TNFRSF14: variants seen among roughly 807,000 people sequenced by gnomAD.
TNFRSF14 encodes the protein TNF receptor superfamily member 14, also known as tumor necrosis factor receptor superfamily member 14.
Under a neutral mutation model 34.1 loss-of-function variants are expected in TNFRSF14, and 18 were observed. That is an observed-to-expected ratio of 0.53 (90% confidence interval 0.36 to 0.78). TNFRSF14 has a LOEUF of 0.78. TNFRSF14 is among the 30% of genes least tolerant of loss of function. The pLI is 0.00. For synonymous variants in TNFRSF14, 157 were observed against 153.2 expected (o/e 1.02, Z -0.18); for missense variants, 352 against 379.5 (o/e 0.93, Z 0.60).
chr1:2,563,409 A>T lies in TNFRSF14; in HGVS notation c.*136A>T. 1 of 1,449,896 alleles carries T rather than the reference A, an allele frequency of 6.9e-7. No individual in the cohort carries two copies. The highest frequency in any genetic ancestry group is 9.2e-7 in the Non-Finnish European group (1 of 1,084,542). The allele number at this position is 1,449,896 out of a possible 1,614,324, so 89.8% of individuals were successfully genotyped here. ...GGCTGGCTTCCGTCTCCTCCAGTGG[A>T]GGGAGAGGTGGGGCCCCTGCTGGGG... On this transcript the variant is annotated 3_prime_UTR_variant, in exon 8 of 8. Transcript: ENST00000355716.
chr1:2,562,909 C>G lies in TNFRSF14; in HGVS notation c.726+13C>G, dbSNP rs761310764. The G allele has an allele frequency of 7.4e-6, 12 of 1,611,558 alleles. 1 individual carries two copies. The Admixed American group carries it at 2.0e-4, about 27-fold the overall frequency. ...CGTCTCCGTCCAGGTATTGATCCTC[C>G]TCCCCCTCTCCCTCCCCCCTCCACC... On this transcript the variant is annotated intron_variant, in intron 7 of 7. Transcript: ENST00000355716.
rs918040018 is a variant in TNFRSF14 at position 2,561,821 on chromosome 1, C to T, written c.694+6C>T. 3.7e-6 allele frequency: 6 copies of T among 1,612,334 alleles called. No homozygotes were observed. Among genetic ancestry groups the T allele is most frequent in the African/African-American group, 2.7e-5 (2 of 74,898 alleles). Reference sequence around the variant, plus strand: ...GAAAAGAAGAAAGCCAAGGGGTGAGCACACGGCGGCCCCATCAGGGCTCAT... The same window carrying T: ...GAAAAGAAGAAAGCCAAGGGGTGAGTACACGGCGGCCCCATCAGGGCTCAT... On this transcript the variant is annotated splice_donor_region_variant and intron_variant, in intron 6 of 7. Coordinates refer to ENST00000355716, the MANE Select transcript of TNFRSF14 (RefSeq NM_003820.4). This position sits in a 1 kb window ranked among gnomAD's most constrained non-coding sequence, Gnocchi z 6.0.
rs765582531 is a variant in TNFRSF14, at chr1:2,563,296, G to T, written c.*23G>T. 22 of 1,610,358 alleles carry T rather than the reference G, an allele frequency of 1.4e-5. No individual in the cohort carries two copies. The highest frequency in any genetic ancestry group is 1.6e-5 in the Non-Finnish European group (19 of 1,177,762). ...TGACCCACAGACTCTGCACCCCGACGCCAGAGATACCTGGAGCGACGGCTG... is the reference window on the plus strand; with the variant it reads ...TGACCCACAGACTCTGCACCCCGACTCCAGAGATACCTGGAGCGACGGCTG... On this transcript the variant is annotated 3_prime_UTR_variant, in exon 8 of 8. Transcript: ENST00000355716.
chr1:2,558,826 C>A, intron 3 of TNFRSF14: 2 of 1,324,516 alleles, frequency 1.5e-6, no homozygotes, highest in Non-Finnish European at 2.0e-6. Context: ...GACTCTCCGG[C>A]CGGCACTCGG....
chr1:2,562,345 C>T lies in TNFRSF14; in HGVS notation c.695-520C>T, dbSNP rs182112921. The T allele has an allele frequency of 1.1e-3, 230 of 217,624 alleles. 1 individual carries two copies. Among genetic ancestry groups the T allele is most frequent in the Admixed American group, 2.7e-3 (52 of 19,182 alleles). The allele number at this position is 217,624 out of a possible 1,614,324, so 13.5% of individuals were successfully genotyped here. A position where few individuals can be genotyped will look rare whatever the true frequency, so the allele number is the denominator to read the frequency against. On this transcript the variant is annotated intron_variant, in intron 6 of 7. Coordinates refer to ENST00000355716, the MANE Select transcript of TNFRSF14 (RefSeq NM_003820.4). ...GTGGCCCTGGGAGCCCTGTGCACAG[C>T]CCCCGGGGACGCAGCTTCTAAGCAT... is the stretch of plus-strand genomic sequence containing the variant.
At position 2,559,120 on chromosome 1, in the gene TNFRSF14, G is replaced by C. The variant is rs773670006; in HGVS notation, c.304+652G>C. ...GCGGGACAGGGCTGACGGCACACCT[G>C]GGGGCAGGGCCTGAGCCTACAGGGA... On this transcript the variant is annotated intron_variant, in intron 3 of 7. Coordinates refer to ENST00000355716, the MANE Select transcript of TNFRSF14 (RefSeq NM_003820.4). The C allele has an allele frequency of 1.4e-5, 19 of 1,363,602 alleles. No individual in the cohort carries two copies. The African/African-American group carries it at 2.0e-4, about 14-fold the overall frequency. 84.5% of individuals were successfully genotyped at this position (1,363,602 alleles called of 1,614,324 possible).
chr1:2,560,022 C>T, intron 4 of TNFRSF14, 44 bp downstream of exon 4: 1 of 1,483,708 alleles, frequency 6.7e-7, no homozygotes, highest in Non-Finnish European at 9.0e-7. Context: ...CCACCCTGGT[C>T]CCCAGTGCCC....
Position 2,561,560 on chromosome 1 carries a change from C to T in TNFRSF14, c.552-113C>T. 1 of 1,582,080 alleles carries T rather than the reference C, an allele frequency of 6.3e-7. No individual in the cohort carries two copies. Among genetic ancestry groups the T allele is most frequent in the South Asian group, 1.1e-5 (1 of 88,420 alleles). On this transcript the variant is annotated intron_variant, in intron 5 of 7. Transcript: ENST00000355716. The surrounding 1 kb of genome is among the most constrained non-coding windows in gnomAD (Gnocchi z 6.0). The stretch of plus-strand genomic sequence containing the variant: ...TGGAGCTGCCACCAGCCCAGCCTCC[C>T]TGGGACCTGTCTTCACTGCCTGGGG...
At chr1:2,556,150 T>C, upstream of TNFRSF14, 1 of 389,610 alleles carries the variant, frequency 2.6e-6, no homozygotes, top group Non-Finnish European at 5.0e-6. Context: ...AAGTTTACCC[T>C]GTTCAGCAGA....
Position 2,561,430 on chromosome 1 carries a change from G to A in TNFRSF14, c.552-243G>A. 1 of 1,448,704 alleles carries A rather than the reference G, an allele frequency of 6.9e-7. No homozygotes were observed. Among genetic ancestry groups the A allele is most frequent in the Non-Finnish European group, 9.2e-7 (1 of 1,086,036 alleles). The allele number at this position is 1,448,704 out of a possible 1,614,324, so 89.7% of individuals were successfully genotyped here. On this transcript the variant is annotated intron_variant, in intron 5 of 7. Coordinates refer to ENST00000355716, the MANE Select transcript of TNFRSF14 (RefSeq NM_003820.4). This position sits in a 1 kb window ranked among gnomAD's most constrained non-coding sequence, Gnocchi z 6.0. ...CTCTCCCCTCTCCCTCTGCCGTCCT[G>A]TCTCCTTTGCCCAGTCTCTCCTTGT...
At chr1:2,560,053 T>C in intron 4 of TNFRSF14, 75 bp downstream of exon 4, 1 of 1,455,518 alleles carries the variant, frequency 6.9e-7, no homozygotes. Flanking sequence ...AGCCCCAGGT[T>C]TCCTCGACGG....
rs546069534 is a variant in TNFRSF14 at position 2,558,677 on chromosome 1, G to T, written c.304+209G>T. 4.7e-5 allele frequency: 54 copies of T among 1,157,718 alleles called. 1 individual carries two copies. In the African/African-American group the frequency reaches 8.2e-4, roughly 18 times the overall value. The allele number at this position is 1,157,718 out of a possible 1,614,324, so 71.7% of individuals were successfully genotyped here. ...CCACCTCTGTCTCACCTCTCACTTT[G>T]TCACCGCCAGGTGGGCCATCCTGAG... On this transcript the variant is annotated intron_variant, in intron 3 of 7. Transcript: ENST00000355716.
chr1:2,560,127 G>T, intron 4 of TNFRSF14, 149 bp downstream of exon 4: 1 of 1,267,876 alleles, frequency 7.9e-7, no homozygotes, highest in Non-Finnish European at 1.1e-6. Flanking sequence ...ACCCACTTCA[G>T]CCCTGTCCTG....
In TNFRSF14 at chr1:2,557,743, C is replaced by T. The variant is rs749981536; in HGVS notation, c.87C>T (p.Phe29=). The T allele has an allele frequency of 7.5e-6, 12 of 1,609,682 alleles. No individual in the cohort carries two copies. Among genetic ancestry groups the T allele is most frequent in the East Asian group, 2.2e-5 (1 of 44,726 alleles). ...CCCCTTAGGTGCTGTATCTCACCTT[C>T]CTGGGAGCCCCCTGCTACGCCCCAG... ...DVLRLVLYLT[F]LGAPCYAPAL... The change falls in exon 2 of 8, where the codon TTC becomes TTT. Residue 29 remains phenylalanine, a synonymous_variant. Transcript: ENST00000355716.
At chr1:2,558,557 C>G in intron 3 of TNFRSF14, 89 bp downstream of exon 3, 7 of 1,579,982 alleles carry the variant, frequency 4.4e-6, no homozygotes, top group Non-Finnish European at 6.0e-6. Context: ...CCACAGTGCC[C>G]CAGGAAGGCC....
Position 2,561,902 on chromosome 1 carries a change from AGAGCTTTTCCAGGATCCGCGGCT to A in TNFRSF14, c.694+88_694+110del. ...CACCCCAAGCCTGGGAGGTGGCCCC[AGAGCTTTTCCAGGATCCGCGGCT>A]CCTCCCAGGGCAGCCACTGCAGGCT... On this transcript the variant is annotated intron_variant, in intron 6 of 7. Coordinates refer to ENST00000355716, the MANE Select transcript of TNFRSF14 (RefSeq NM_003820.4). The surrounding 1 kb of genome is among the most constrained non-coding windows in gnomAD (Gnocchi z 6.0). 7.0e-7 allele frequency: 1 copy of A among 1,437,476 alleles called. No homozygotes were observed. Among genetic ancestry groups the A allele is most frequent in the Non-Finnish European group, 9.5e-7 (1 of 1,055,346 alleles). 89.0% of individuals were successfully genotyped at this position (1,437,476 alleles called of 1,614,324 possible). A position where few individuals can be genotyped will look rare whatever the true frequency, so the allele number is the denominator to read the frequency against.
rs1644292731 is a variant in TNFRSF14, at chr1:2,560,562, A to G, written c.461-62A>G. ...AGAAGCTCACAGACAAGCAGTCCCT[A>G]GCCGCCAGCCCCCTCCTGGCCTGGT... On this transcript the variant is annotated intron_variant, in intron 4 of 7. Coordinates refer to ENST00000355716, the MANE Select transcript of TNFRSF14 (RefSeq NM_003820.4). The G allele has an allele frequency of 3.0e-6, 4 of 1,327,392 alleles. No individual in the cohort carries two copies. The Middle Eastern group carries it at 7.7e-4, about 255-fold the overall frequency. The allele number at this position is 1,327,392 out of a possible 1,614,324, so 82.2% of individuals were successfully genotyped here. A position where few individuals can be genotyped will look rare whatever the true frequency, so the allele number is the denominator to read the frequency against.
upstream of TNFRSF14, chr1:2,554,722 G>C (rs1258128461): frequency 6.6e-6 from 1 of 152,316 alleles, no homozygotes; most frequent in African/African-American, 2.4e-5. The surrounding 1 kb of genome is among the most constrained non-coding windows in gnomAD (Gnocchi z 4.2). Flanking sequence ...TCTCACTGAT[G>C]CCTGTGTTAG....
intron 3 of TNFRSF14, chr1:2,558,671 C>T: frequency 8.5e-7 from 1 of 1,169,972 alleles, no homozygotes; most frequent in African/African-American, 1.5e-5. Flanking sequence ...TCTCACCTCT[C>T]ACTTTGTCAC....
Sources: allele counts gnomAD v4.1 joint callset, GRCh38; gene constraint gnomAD v4.1.1; non-coding constraint Gnocchi (gnomAD v3.1); transcripts MANE v1.5; gene names NCBI Gene and HGNC (gene_info 2026-07-23, HGNC 2026-07-21).